The following THRA variants were observed in gnomAD, a reference collection of about 807,000 sequenced individuals.
THRA encodes the protein thyroid hormone receptor alpha.
Under a neutral mutation model 45.0 loss-of-function variants are expected in THRA, and 13 were observed. The ratio of observed to expected loss-of-function variants is 0.29; its 90% confidence interval spans 0.19 to 0.46. THRA has a LOEUF of 0.46. Among genes scored for constraint, THRA ranks in the 20% least tolerant of loss-of-function variants. The probability of loss-of-function intolerance (pLI) is 1.00; values close to 1 mark genes in which losing one functional copy is unlikely to be tolerated. For missense variants in THRA, 278 were observed against 556.1 expected, an observed-to-expected ratio of 0.50 and a Z score of 5.03; for synonymous variants, 195 against 214.0, an observed-to-expected ratio of 0.91 and a Z score of 0.78.
At chr17:40,084,306 G>A (rs983891680) in intron 5 of THRA, 10 of 508,168 alleles carry the variant, frequency 2.0e-5, no homozygotes, top group Admixed American at 7.0e-5. Context: ...TTCTAGATGA[G>A]ACAGGGCATC....
chr17:40,077,459 T>C (rs376664052), intron 3 of THRA, 49 bp from the exon 4 acceptor site: 4 of 1,545,848 alleles, frequency 2.6e-6, no homozygotes, highest in Non-Finnish European at 3.6e-6. Flanking sequence ...GCCTCTCTGC[T>C]GGGACTCCAA....
At chr17:40,066,677 AAAAAAAAG>A (rs1176924396) in intron 1 of THRA, among the ~76,000 whole-genome samples, 55 of 86,144 alleles carry the variant, frequency 6.4e-4, no homozygotes, top group African/African-American at 2.2e-3. Flanking sequence ...AAAAAAAAAA[AAAAAAAAG>A]AAAAACAAAA....
chr17:40,066,312 C>T (rs938294791), intron 1 of THRA, among the ~76,000 whole-genome samples: 3 of 152,130 alleles, frequency 2.0e-5, no homozygotes, highest in Non-Finnish European at 2.9e-5. Flanking sequence ...ACCCACAGGG[C>T]AGCTACAGAG....
chr17:40,073,581 G>C (rs1425112317), intron 1 of THRA, among the ~76,000 whole-genome samples: 1 of 152,172 alleles, frequency 6.6e-6, no homozygotes, highest in Non-Finnish European at 1.5e-5. Flanking sequence ...CTCTGCCTGG[G>C]AAGTGGGATT....
rs574254275 is a variant in THRA at position 40,077,822 on chromosome 17, G to C, written c.222+214G>C. Among the ~76,000 whole-genome samples the C allele has an allele frequency of 1.4e-4, 22 of 152,128 alleles. 1 individual carries two copies. The South Asian group carries it at 2.5e-3, about 17-fold the overall frequency. On this transcript the variant is annotated intron_variant, in intron 4 of 8. Coordinates refer to ENST00000450525, the MANE Select transcript of THRA (RefSeq NM_199334.5). Reference sequence around the variant, plus strand: ...AGTGATTCCCCTACCTCGGCCTCCTGAGTAGCTGGGATTACAGGTATGCAC... The same window carrying C: ...AGTGATTCCCCTACCTCGGCCTCCTCAGTAGCTGGGATTACAGGTATGCAC...
intron 1 of THRA, among the ~76,000 whole-genome samples, chr17:40,064,266 G>T (rs1250405675): frequency 6.6e-6 from 1 of 152,176 alleles, no homozygotes; most frequent in Non-Finnish European, 1.5e-5. Context: ...ACACGTAGAT[G>T]CTGTCACACA....
Position 40,092,933 on chromosome 17 carries a change from G to T in THRA, c.*3477G>T, listed in dbSNP as rs950633891. ...GGAGGGAGGCAGGTATTTACAAGAAGGCTCAGGGGGCCAGAGGCTCATCTT... is the reference window on the plus strand; with the variant it reads ...GGAGGGAGGCAGGTATTTACAAGAATGCTCAGGGGGCCAGAGGCTCATCTT... On this transcript the variant is annotated 3_prime_UTR_variant, in exon 9 of 9. Transcript: ENST00000450525. The T allele has an allele frequency of 6.6e-7, 1 of 1,517,266 alleles. No individual in the cohort carries two copies. Among genetic ancestry groups the T allele is most frequent in the Non-Finnish European group, 8.8e-7 (1 of 1,132,090 alleles). 94.0% of individuals were successfully genotyped at this position (1,517,266 alleles called of 1,614,324 possible). A position where few individuals can be genotyped will look rare whatever the true frequency, so the allele number is the denominator to read the frequency against.
chr17:40,075,342 G>A (rs1986914632), intron 2 of THRA, among the ~76,000 whole-genome samples: 1 of 152,178 alleles, frequency 6.6e-6, no homozygotes, highest in Non-Finnish European at 1.5e-5. Context: ...GTGGCTGACT[G>A]TTGCCTAGGA....
In THRA at chr17:40,089,958, G is replaced by A; in HGVS notation, c.*502G>A. 5 of 991,626 alleles carry A rather than the reference G, an allele frequency of 5.0e-6. No individual in the cohort carries two copies. Among genetic ancestry groups the A allele is most frequent in the Non-Finnish European group, 6.0e-6 (5 of 833,716 alleles). The allele number at this position is 991,626 out of a possible 1,614,324, so 61.4% of individuals were successfully genotyped here. A position where few individuals can be genotyped will look rare whatever the true frequency, so the allele number is the denominator to read the frequency against. On this transcript the variant is annotated 3_prime_UTR_variant, in exon 9 of 9. Transcript: ENST00000450525. The surrounding 1 kb of genome is among the most constrained non-coding windows in gnomAD (Gnocchi z 6.1). ...GCTTGGCTTGGCTCCTCCTCTGGAG[G>A]TTAAAATTTATAGTCATTCTAACTG...
chr17:40,082,172 T>C (rs1434166477), intron 4 of THRA, among the ~76,000 whole-genome samples: 3 of 151,522 alleles, frequency 2.0e-5, no homozygotes, highest in African/African-American at 7.2e-5. Context: ...TAAAGTCATT[T>C]AGCAAAATGG....
rs961084163 is a variant in THRA, at chr17:40,092,212, C to A, written c.*2756C>A. ...GGGGAGGGTGGGGGAGGAGCCCCTA[C>A]CCCTTCTCCTGGTGGCGGGTCTGCA... On this transcript the variant is annotated 3_prime_UTR_variant, in exon 9 of 9. Coordinates refer to ENST00000450525, the MANE Select transcript of THRA (RefSeq NM_199334.5). The A allele has an allele frequency of 1.3e-5, 2 of 152,350 alleles. No individual in the cohort carries two copies. The highest frequency in any genetic ancestry group is 2.9e-5 in the Non-Finnish European group (2 of 68,240). The allele number at this position is 152,350 out of a possible 1,614,324, so 9.4% of individuals were successfully genotyped here. A position where few individuals can be genotyped will look rare whatever the true frequency, so the allele number is the denominator to read the frequency against.
chr17:40,084,238 G>A (rs1282094132), intron 5 of THRA, among the ~76,000 whole-genome samples: 1 of 152,160 alleles, frequency 6.6e-6, no homozygotes, highest in Non-Finnish European at 1.5e-5. Context: ...TTGGTAGAAA[G>A]AGCTCCTGGG....
At chr17:40,082,163 A>C (rs913015613) in intron 4 of THRA, among the ~76,000 whole-genome samples, 1 of 150,494 alleles carries the variant, frequency 6.6e-6, no homozygotes, top group African/African-American at 2.4e-5. Context: ...TGTTGTTTTT[A>C]AAGTCATTTA....
rs376950648 is a variant in THRA, at chr17:40,074,455, G to C, written c.-34G>C. ...AGTGTGCCCACCCCAGTCTCTTGGC[G>C]TGCTGGAGGGCATCCTGGATGGAAT... On this transcript the variant is annotated 5_prime_UTR_variant, in exon 2 of 9. Transcript: ENST00000450525. 2.8e-5 allele frequency: 45 copies of C among 1,613,448 alleles called. No homozygotes were observed. The highest frequency in any genetic ancestry group is 3.8e-5 in the Non-Finnish European group (45 of 1,179,616).
At chr17:40,082,885 C>A (rs1290593765) in intron 4 of THRA, among the ~76,000 whole-genome samples, 1 of 149,920 alleles carries the variant, frequency 6.7e-6, no homozygotes, top group East Asian at 1.9e-4. Context: ...TCTGCCTCAG[C>A]CTCCTGAGTA....
rs537296375 is a variant in THRA at position 40,074,985 on chromosome 17, C to A, written c.53+444C>A. ...CATTTCAGGGCACATGCACCAGTAA[C>A]TATTGGTCATAGCCCAAGCTTATAT... On this transcript the variant is annotated intron_variant, in intron 2 of 8. Coordinates refer to ENST00000450525, the MANE Select transcript of THRA (RefSeq NM_199334.5). Among the ~76,000 whole-genome samples, 4 of 152,376 alleles carry A rather than the reference C, an allele frequency of 2.6e-5. No individual in the cohort carries two copies. In the South Asian group the frequency reaches 8.3e-4, roughly 32 times the overall value.
intron 6 of THRA, among the ~76,000 whole-genome samples, chr17:40,086,257 G>C (rs527641727): frequency 1.9e-4 from 29 of 152,306 alleles, no homozygotes; most frequent in Admixed American, 1.9e-3. Context: ...ATTCCAAGCA[G>C]ATGTGTAACA....
chr17:40,065,445 C>G (rs1986519737), intron 1 of THRA, among the ~76,000 whole-genome samples: 1 of 152,160 alleles, frequency 6.6e-6, no homozygotes, highest in Admixed American at 6.5e-5. Flanking sequence ...CTCTCTAACT[C>G]TGTCTCTCTG....
rs1987557320 is a variant in THRA at position 40,091,661 on chromosome 17, CT to C, written c.*2207del. 2 of 152,022 alleles carry C rather than the reference CT, an allele frequency of 1.3e-5. No homozygotes were observed. Among genetic ancestry groups the C allele is most frequent in the South Asian group, 4.1e-4 (2 of 4,820 alleles). 9.4% of individuals were successfully genotyped at this position (152,022 alleles called of 1,614,324 possible). A position where few individuals can be genotyped will look rare whatever the true frequency, so the allele number is the denominator to read the frequency against. ...AAAAGGCCTTGAAGAGCCTTAGCCT[CT>C]TATAGGCACTTGGGACTCCCCCACC... On this transcript the variant is annotated 3_prime_UTR_variant, in exon 9 of 9. Coordinates refer to ENST00000450525, the MANE Select transcript of THRA (RefSeq NM_199334.5).
Sources: allele counts gnomAD v4.1 joint callset (sites outside exome capture counted in the v4.1 genomes callset), GRCh38; gene constraint gnomAD v4.1.1; non-coding constraint Gnocchi (gnomAD v3.1); transcripts MANE v1.5; gene names NCBI Gene and HGNC (gene_info 2026-07-23, HGNC 2026-07-21).